ANO7: variants seen among roughly 807,000 people sequenced by gnomAD.
ANO7 encodes anoctamin 7.
In ANO7, 114 loss-of-function variants were observed where a neutral mutation model predicts 115.8. The observed-to-expected ratio is 0.98, with a 90% CI of 0.85 to 1.15. ANO7 has a LOEUF of 1.15. Among genes scored for constraint, ANO7 ranks in the 50% most tolerant of loss-of-function variants. ANO7 has a pLI of 0.00. For missense variants in ANO7, 1,302 were observed against 1,201.2 expected (o/e 1.08, Z -1.24); for synonymous variants, 550 against 498.2 (o/e 1.10, Z -1.38).
At chr2:241,214,746 G>A (rs894571870) in intron 17 of ANO7, 59 bp from the exon 18 acceptor site, 10 of 1,496,190 alleles carry the variant, frequency 6.7e-6, no homozygotes, top group East Asian at 4.5e-5. Context: ...GACAAGAAGG[G>A]ATGCGTGGGT....
chr2:241,205,059 C>T, intron 10 of ANO7, 104 bp downstream of exon 10: 2 of 945,634 alleles, frequency 2.1e-6, no homozygotes, highest in Non-Finnish European at 3.3e-6. Context: ...ACAGCTGGTG[C>T]TTGAGGTGAT....
Position 241,217,719 on chromosome 2 carries a change from C to A in ANO7, c.2006C>A (p.Ala669Asp), listed in dbSNP as rs1317450389. 2 of 1,597,786 alleles carry A rather than the reference C, an allele frequency of 1.3e-6. No homozygotes were observed. The highest frequency in any genetic ancestry group is 2.3e-5 in the East Asian group (1 of 44,350). Residue 669 changes from alanine to aspartate, a missense_variant, in exon 20 of 25, where the codon GCC becomes GAC. By Grantham distance (126) the Ala-to-Asp change is moderately radical (BLOSUM62 -2). Transcript: ENST00000674324. ...LQFGFVTIFVAACPLAPLFAL... is the reference protein window; with the variant it reads ...LQFGFVTIFVDACPLAPLFAL... Reference sequence around the variant, plus strand: ...TTCGGCTTCGTCACCATCTTCGTGGCCGCCTGTCCGCTCGCGCCGCTCTTC... The same window carrying A: ...TTCGGCTTCGTCACCATCTTCGTGGACGCCTGTCCGCTCGCGCCGCTCTTC...
At chr2:241,215,900 C>A (rs1056608597) in intron 18 of ANO7, among the ~76,000 whole-genome samples, 193 bp from the exon 19 acceptor site, 4 of 152,232 alleles carry the variant, frequency 2.6e-5, no homozygotes, top group Non-Finnish European at 5.9e-5. Flanking sequence ...GACACAGACG[C>A]TTTCACTGAG....
At chr2:241,195,336 T>C (rs554945990) in intron 3 of ANO7, among the ~76,000 whole-genome samples, 9 of 152,166 alleles carry the variant, frequency 5.9e-5, no homozygotes, top group Non-Finnish European at 1.2e-4. Flanking sequence ...GCTTTGATGA[T>C]TCTCTATGGC....
Position 241,210,519 on chromosome 2 carries a change from C to G in ANO7, c.1510C>G (p.Leu504Val). The change falls in exon 15 of 25, where the codon CTC becomes GTC. Residue 504 changes from leucine (L) to valine (V), a missense_variant. Physicochemically the swap from Leu to Val is conservative, Grantham distance 32 (BLOSUM62 1). Coordinates refer to ENST00000674324, the MANE Select transcript of ANO7 (RefSeq NM_001370694.2). ...TGSVVNLVFI[L>V]ILSKIYVSLA... ...GTCTGTAGTGAACCTCGTCTTCATC[C>G]TCATCCTCTCCAAGATCTATGTATC... is the stretch of plus-strand genomic sequence containing the variant. 6.2e-7 allele frequency: 1 copy of G among 1,614,096 alleles called. No homozygotes were observed. Among genetic ancestry groups the G allele is most frequent in the Non-Finnish European group, 8.5e-7 (1 of 1,180,010 alleles).
chr2:241,230,252 T>G, downstream of ANO7: 1 of 1,592,414 alleles, frequency 6.3e-7, no homozygotes, highest in Non-Finnish European at 8.6e-7. The surrounding 1 kb of genome is among the most constrained non-coding windows in gnomAD (Gnocchi z 5.0). Flanking sequence ...CTCCGCTCTG[T>G]GGGAAGCGAA....
In ANO7 at chr2:241,223,207, C is replaced by T. The variant is rs149644243; in HGVS notation, c.2343C>T (p.Asp781=). 158 of 1,614,102 alleles carry T rather than the reference C, an allele frequency of 9.8e-5. 1 individual carries two copies. In the South Asian group the frequency reaches 1.4e-3, roughly 14 times the overall value. Residue 781 remains aspartate, a synonymous_variant, in exon 22 of 25, where the codon GAC becomes GAT. Coordinates refer to ENST00000674324, the MANE Select transcript of ANO7 (RefSeq NM_001370694.2). ...GCAGGTATCGGGCTTTCCGGGATGA[C>T]GATGGACATTATTCCCAGACCTACT... ...RTCRYRAFRD[D]DGHYSQTYWN... is the part of the protein sequence containing the mutation.
At chr2:241,216,742 T>G (rs1366741118) in intron 19 of ANO7, among the ~76,000 whole-genome samples, 1 of 152,150 alleles carries the variant, frequency 6.6e-6, no homozygotes, top group Non-Finnish European at 1.5e-5. Context: ...CTCTGGAGGG[T>G]GGGTCTGTAT....
intron 21 of ANO7, among the ~76,000 whole-genome samples, chr2:241,220,642 A>G (rs1279670951): frequency 6.6e-6 from 1 of 152,224 alleles, no homozygotes; most frequent in East Asian, 1.9e-4. Context: ...TCTACTAAAA[A>G]TACAAAAATT....
downstream of ANO7, chr2:241,230,797 G>A (rs774308878): frequency 1.9e-6 from 3 of 1,614,078 alleles, no homozygotes; most frequent in Admixed American, 1.7e-5. The surrounding 1 kb of genome is among the most constrained non-coding windows in gnomAD (Gnocchi z 5.0). Flanking sequence ...GCTTTGCCGC[G>A]GGCACCAATG....
At chr2:241,206,586 T>TCTGACAAGTGGACAGGAGTGCTCCCAGG (rs2068595805) in intron 10 of ANO7, among the ~76,000 whole-genome samples, 1 of 34,526 alleles carries the variant, frequency 2.9e-5, no homozygotes, top group Non-Finnish European at 5.1e-5. Flanking sequence ...GTGCTCCCAG[T>TCTGACAAGTGGACAGGAGTGCTCCCAGG]CTGACAGGTG....
chr2:241,200,096 C>G lies in ANO7; in HGVS notation c.425C>G (p.Pro142Arg). ...ACTGACGTTTCCTTCCAGGAGTTAC[C>G]CAACCAGGCCTCCAACTGGTCGGCC... is the stretch of plus-strand genomic sequence containing the variant. The part of the protein sequence containing the change: ...LRLKLPLQEL[P>R]NQASNWSAGL... Residue 142 changes from proline to arginine, a missense_variant, in exon 6 of 25, where the codon CCC (proline) becomes CGC (arginine). Coordinates refer to ENST00000674324, the MANE Select transcript of ANO7 (RefSeq NM_001370694.2). 2 of 1,612,292 alleles carry G rather than the reference C, an allele frequency of 1.2e-6. No individual in the cohort carries two copies. Among genetic ancestry groups the G allele is most frequent in the Non-Finnish European group, 1.7e-6 (2 of 1,179,970 alleles).
At chr2:241,201,239 G>T in intron 6 of ANO7, 59 bp from the exon 7 acceptor site, 1 of 1,521,214 alleles carries the variant, frequency 6.6e-7, no homozygotes, top group Admixed American at 2.4e-5. Context: ...CAAACCTTCT[G>T]CACCGTTCAC....
intron 21 of ANO7, among the ~76,000 whole-genome samples, chr2:241,221,843 A>C (rs1404387071): frequency 1.4e-5 from 2 of 143,024 alleles, no homozygotes; most frequent in Admixed American, 7.0e-5. Flanking sequence ...ATGCCCAGCT[A>C]CTCTTTTATA....
the ANO7 span, chr2:241,236,615 C>T: frequency 1.2e-6 from 2 of 1,613,886 alleles, no homozygotes; most frequent in Non-Finnish European, 1.7e-6. Context: ...GGACACATAC[C>T]TCCAGAGCTT....
chr2:241,219,588 G>C (rs990731552), intron 21 of ANO7, among the ~76,000 whole-genome samples: 5 of 150,936 alleles, frequency 3.3e-5, no homozygotes, highest in Non-Finnish European at 7.4e-5. Flanking sequence ...TTTTTTTAGA[G>C]ACTGGGTCTT....
chr2:241,194,553 C>T (rs1574758395), intron 3 of ANO7, among the ~76,000 whole-genome samples: 1 of 150,710 alleles, frequency 6.6e-6, no homozygotes, highest in Non-Finnish European at 1.5e-5. Context: ...CTCCTGACCT[C>T]GTGATCCACC....
intron 8 of ANO7, 137 bp downstream of exon 8, chr2:241,202,441 A>G: frequency 1.4e-6 from 1 of 697,400 alleles, no homozygotes. Flanking sequence ...CACTAAATGC[A>G]CACACATGCG....
chr2:241,196,925 C>T (rs910432394), intron 4 of ANO7, among the ~76,000 whole-genome samples: 15 of 151,538 alleles, frequency 9.9e-5, no homozygotes, highest in African/African-American at 3.4e-4. Context: ...GTAGGGGTGC[C>T]GGGCCGAGGC....
Sources: gnomAD v4.1 joint callset for allele counts (sites outside exome capture counted in the v4.1 genomes callset) on GRCh38, gnomAD v4.1.1 for gene constraint, Gnocchi (gnomAD v3.1) non-coding constraint, MANE v1.5 for transcripts, NCBI Gene and HGNC (gene_info 2026-07-23, HGNC 2026-07-21) for gene names.